Variants in GLYATL1 observed in about 807,000 individuals in gnomAD.
The protein encoded by GLYATL1 is glycine N-acyltransferase-like protein 1.
A neutral mutation model predicts 20.0 loss-of-function variants in GLYATL1; 15 were observed. The observed-to-expected ratio is 0.75, with a 90% CI of 0.50 to 1.15. The LOEUF is 1.15. Ranked by LOEUF, GLYATL1 falls within the 50% of genes most tolerant of loss-of-function variation. GLYATL1 has a pLI of 0.00. For synonymous variants in GLYATL1, 151 were observed against 131.5 expected, an observed-to-expected ratio of 1.15 and a Z score of -1.01; for missense variants, 380 against 368.5, an observed-to-expected ratio of 1.03 and a Z score of -0.26.
intron 1 of GLYATL1, among the ~76,000 whole-genome samples, chr11:58,919,639 C>G (rs963047128): frequency 6.6e-6 from 1 of 152,152 alleles, no homozygotes; most frequent in African/African-American, 2.4e-5. Flanking sequence ...CGAAAAGGTA[C>G]AAATAAACAC....
intron 1 of GLYATL1, among the ~76,000 whole-genome samples, chr11:58,930,740 A>C (rs1855567413): frequency 6.6e-6 from 1 of 152,256 alleles, no homozygotes; most frequent in South Asian, 2.1e-4. Flanking sequence ...AGTCAATGAC[A>C]AGGTATACTA....
At chr11:58,932,036 C>T (rs11229701) in intron 1 of GLYATL1, among the ~76,000 whole-genome samples, 22,788 of 133,226 alleles carry the variant, frequency 0.17, 1,922 homozygotes, top group East Asian at 0.34. Context: ...CACTTGAACC[C>T]GGGATGTGGA....
intron 1 of GLYATL1, among the ~76,000 whole-genome samples, chr11:58,941,752 AC>A (rs1856173588): frequency 6.6e-6 from 1 of 152,222 alleles, no homozygotes; most frequent in South Asian, 2.1e-4. Flanking sequence ...GAGGTCTAGG[AC>A]CTGACTGGAC....
upstream of GLYATL1, among the ~76,000 whole-genome samples, chr11:58,922,635 G>A (rs1233298087): frequency 1.3e-5 from 2 of 152,140 alleles, no homozygotes; most frequent in East Asian, 3.9e-4. Context: ...TGGTAGATTG[G>A]AACACGTGAG....
intron 6 of GLYATL1, 112 bp from the exon 7 acceptor site, chr11:58,955,498 C>CA: frequency 7.2e-7 from 1 of 1,386,410 alleles, no homozygotes; most frequent in Non-Finnish European, 9.9e-7. Context: ...CAAAACTTTG[C>CA]AATGGTGAGT....
intron 4 of GLYATL1, among the ~76,000 whole-genome samples, chr11:58,953,108 A>G (rs578208243): frequency 6.6e-6 from 1 of 152,346 alleles, no homozygotes; most frequent in East Asian, 1.9e-4. Context: ...AATAGAAAAT[A>G]ATAAAATCAT....
At chr11:58,928,167 A>G (rs1028136233) in intron 1 of GLYATL1, 7 of 152,222 alleles carry the variant, frequency 4.6e-5, no homozygotes, top group African/African-American at 1.7e-4. Flanking sequence ...TGAGCCTGTG[A>G]AACTGAAGCT....
At chr11:58,925,306 T>A (rs1470700726), upstream of GLYATL1, among the ~76,000 whole-genome samples, 1 of 152,216 alleles carries the variant, frequency 6.6e-6, no homozygotes, top group Admixed American at 6.5e-5. Flanking sequence ...TTTTTTACAA[T>A]TAACATTTTA....
upstream of GLYATL1, among the ~76,000 whole-genome samples, chr11:58,936,634 G>A (rs1003562204): frequency 6.6e-6 from 1 of 152,204 alleles, no homozygotes; most frequent in Non-Finnish European, 1.5e-5. Context: ...ATGGGGAACA[G>A]GAGACGAAAG....
At chr11:58,905,743 A>C in intron 1 of GLYATL1, 1 of 3,026 alleles carries the variant, frequency 3.3e-4, no homozygotes, top group South Asian at 2.4e-3. Context: ...ACAAATAGGG[A>C]GGGTGGGCGG....
intron 1 of GLYATL1, among the ~76,000 whole-genome samples, chr11:58,931,618 AT>A (rs1464906969): frequency 1.3e-5 from 2 of 152,222 alleles, no homozygotes; most frequent in African/African-American, 4.8e-5. Context: ...AACATTTGCA[AT>A]TTTTAGAAAA....
At chr11:58,922,539 G>A (rs1455757050) in intron 1 of GLYATL1, among the ~76,000 whole-genome samples, 2 of 152,134 alleles carry the variant, frequency 1.3e-5, no homozygotes, top group Admixed American at 6.6e-5. Flanking sequence ...ACTTCCTGAA[G>A]CTCCAATTCC....
intron 4 of GLYATL1, among the ~76,000 whole-genome samples, chr11:58,952,312 C>T (rs1294970258): frequency 1.1e-4 from 17 of 152,072 alleles, no homozygotes. Flanking sequence ...CCATCCTGGC[C>T]TTTCTAAAAC....
upstream of GLYATL1, among the ~76,000 whole-genome samples, chr11:58,927,393 TAG>T (rs1250962176): frequency 2.6e-5 from 4 of 152,342 alleles, no homozygotes; most frequent in Non-Finnish European, 5.9e-5. Context: ...TCTGCAAAGC[TAG>T]AGAGTCAGGC....
intron 4 of GLYATL1, among the ~76,000 whole-genome samples, chr11:58,950,292 AAAAAAAAAAAAC>A (rs1411924356): frequency 1.3e-5 from 2 of 148,574 alleles, no homozygotes; most frequent in African/African-American, 2.5e-5. Flanking sequence ...ACTCCGTCTA[AAAAAAAAAAAAC>A]AAAAAAATAA....
At chr11:58,944,380 C>T (rs778802309) in intron 2 of GLYATL1, among the ~76,000 whole-genome samples, 3 of 152,082 alleles carry the variant, frequency 2.0e-5, no homozygotes, top group Non-Finnish European at 2.9e-5. Context: ...GGAGCTTTTT[C>T]CTTCTCCCTA....
chr11:58,955,985 G>A lies in GLYATL1; in HGVS notation c.867G>A (p.Trp289Ter). The change falls in exon 7 of 7, where the codon TGG (tryptophan) becomes TGA (stop). Residue 289 changes from tryptophan to a stop codon, truncating the protein, a stop_gained. Coordinates refer to ENST00000532726, the MANE Select transcript of GLYATL1 (RefSeq NM_001389712.2). LOFTEE classifies it high-confidence loss of function. ...QFGFFEASCE[W>*]HQWTCYPQNL... ...GTTTCTTTGAGGCCTCCTGTGAGTG[G>A]CACCAATGGACTTGCTACCCACAGA... 1.2e-6 allele frequency: 2 copies of A among 1,613,406 alleles called. No homozygotes were observed. Among genetic ancestry groups the A allele is most frequent in the Non-Finnish European group, 8.5e-7 (1 of 1,179,352 alleles).
chr11:58,915,858 C>T (rs969117494), intron 1 of GLYATL1, among the ~76,000 whole-genome samples: 4 of 152,204 alleles, frequency 2.6e-5, no homozygotes, highest in African/African-American at 9.7e-5. Context: ...ATCAGGTGAA[C>T]ATCTCAGTGG....
At chr11:58,930,611 C>A (rs1010267231) in intron 1 of GLYATL1, among the ~76,000 whole-genome samples, 5 of 152,030 alleles carry the variant, frequency 3.3e-5, no homozygotes, top group Non-Finnish European at 7.4e-5. Flanking sequence ...AATGTAATAC[C>A]CCCCAAATTG....
Sources: allele counts gnomAD v4.1 joint callset (sites outside exome capture counted in the v4.1 genomes callset), GRCh38; gene constraint gnomAD v4.1.1; transcripts MANE v1.5; gene names NCBI Gene and HGNC (gene_info 2026-07-23, HGNC 2026-07-21).